The following ASTN2 variants were observed in gnomAD, a reference collection of about 807,000 sequenced individuals.
The protein encoded by ASTN2 is astrotactin-2.
In ASTN2, 54 loss-of-function variants were observed where a neutral mutation model predicts 139.8. That is an observed-to-expected ratio of 0.39 (90% confidence interval 0.31 to 0.48). The LOEUF (loss-of-function observed/expected upper bound fraction) is 0.48, where lower values mean the gene tolerates loss of function less well. ASTN2 is among the 20% of genes least tolerant of loss of function. The probability of loss-of-function intolerance (pLI) is 0.95; values close to 1 mark genes in which losing one functional copy is unlikely to be tolerated. For missense variants in ASTN2, 1,565 were observed against 1,725.1 expected, an observed-to-expected ratio of 0.91 and a Z score of 1.64; for synonymous variants, 756 against 719.5, an observed-to-expected ratio of 1.05 and a Z score of -0.81.
chr9:117,338,037 ATCG>A (rs1828941131), intron 1 of ASTN2, among the ~76,000 whole-genome samples: 4 of 152,188 alleles, frequency 2.6e-5, no homozygotes, highest in Admixed American at 2.6e-4. Flanking sequence ...AAAATAAGGA[ATCG>A]ATGATTATCT....
At chr9:117,307,731 C>T (rs1835038452) in intron 1 of ASTN2, among the ~76,000 whole-genome samples, 2 of 152,204 alleles carry the variant, frequency 1.3e-5, no homozygotes, top group African/African-American at 4.8e-5. Context: ...CAGGTTTTAA[C>T]CCAAGGGCAT....
intron 3 of ASTN2, among the ~76,000 whole-genome samples, chr9:117,178,277 T>C (rs1830967784): frequency 6.6e-6 from 1 of 152,104 alleles, no homozygotes; most frequent in South Asian, 2.1e-4. Flanking sequence ...CAAGTACTGG[T>C]CTATTTTGAG....
chr9:117,108,526 C>T (rs1829166376), intron 4 of ASTN2, among the ~76,000 whole-genome samples: 1 of 149,518 alleles, frequency 6.7e-6, no homozygotes, highest in South Asian at 2.1e-4. Context: ...TGGACATGCA[C>T]TGGGAAGTGA....
At chr9:117,297,999 C>A (rs1328334607) in intron 1 of ASTN2, among the ~76,000 whole-genome samples, 1 of 152,190 alleles carries the variant, frequency 6.6e-6, no homozygotes, top group Non-Finnish European at 1.5e-5. Context: ...AATGAATAGG[C>A]TCCTTAACAG....
chr9:117,001,186 A>G (rs923589979), intron 7 of ASTN2, among the ~76,000 whole-genome samples: 18 of 152,130 alleles, frequency 1.2e-4, no homozygotes, highest in Non-Finnish European at 2.4e-4. Flanking sequence ...ACATCCAGAA[A>G]AGCTTTAAGG....
At chr9:116,869,925 G>T (rs966558393) in intron 10 of ASTN2, among the ~76,000 whole-genome samples, 71 of 150,550 alleles carry the variant, frequency 4.7e-4, no homozygotes, top group African/African-American at 1.7e-3. Context: ...ACAACAGAGT[G>T]GGATCCCATT....
intron 2 of ASTN2, among the ~76,000 whole-genome samples, chr9:117,280,697 T>G (rs975457164): frequency 3.3e-5 from 5 of 152,152 alleles, no homozygotes; most frequent in Non-Finnish European, 7.3e-5. Flanking sequence ...AGAATAAATT[T>G]CTGTTGTCTT....
At chr9:116,678,904 T>C (rs940856074) in intron 16 of ASTN2, among the ~76,000 whole-genome samples, 1 of 152,206 alleles carries the variant, frequency 6.6e-6, no homozygotes, top group African/African-American at 2.4e-5. Flanking sequence ...AAAGTAGTTT[T>C]AACATTAAAG....
At chr9:117,072,761 G>T (rs1185720809) in intron 5 of ASTN2, among the ~76,000 whole-genome samples, 1 of 152,108 alleles carries the variant, frequency 6.6e-6, no homozygotes, top group African/African-American at 2.4e-5. Context: ...TGAAACTAAG[G>T]TATATAGAAT....
chr9:117,231,342 T>C (rs982565589), intron 2 of ASTN2, among the ~76,000 whole-genome samples: 11 of 152,214 alleles, frequency 7.2e-5, no homozygotes, highest in African/African-American at 2.7e-4. Flanking sequence ...CCCTGACTAG[T>C]CCTTCTTATT....
At chr9:117,135,311 AG>A (rs1829925121) in intron 4 of ASTN2, among the ~76,000 whole-genome samples, 1 of 152,212 alleles carries the variant, frequency 6.6e-6, no homozygotes, top group Non-Finnish European at 1.5e-5. Context: ...GGATAATTAT[AG>A]TACTTACCTT....
chr9:116,632,582 C>G (rs1856861300), intron 17 of ASTN2, among the ~76,000 whole-genome samples: 1 of 152,184 alleles, frequency 6.6e-6, no homozygotes, highest in South Asian at 2.1e-4. Flanking sequence ...CATAGCCTGT[C>G]CCAGTCCTAC....
At chr9:117,169,270 A>G (rs974111968) in intron 3 of ASTN2, among the ~76,000 whole-genome samples, 6 of 152,030 alleles carry the variant, frequency 3.9e-5, no homozygotes, top group African/African-American at 7.2e-5. Context: ...AAATGTAGCT[A>G]TTTGCTGTGG....
intron 20 of ASTN2, among the ~76,000 whole-genome samples, chr9:116,446,515 T>A (rs562899981): frequency 6.6e-6 from 1 of 152,132 alleles, no homozygotes; most frequent in South Asian, 2.1e-4. Context: ...CACTTGCCAA[T>A]AGATTCATAC....
At chr9:117,246,293 C>T (rs1371581800) in intron 2 of ASTN2, among the ~76,000 whole-genome samples, 1 of 152,192 alleles carries the variant, frequency 6.6e-6, no homozygotes, top group African/African-American at 2.4e-5. Flanking sequence ...ATTACTCTAG[C>T]TTTTCCTTCC....
At chr9:117,352,574 G>A (rs938021571) in intron 1 of ASTN2, among the ~76,000 whole-genome samples, 7 of 152,138 alleles carry the variant, frequency 4.6e-5, no homozygotes, top group African/African-American at 1.7e-4. Flanking sequence ...GACAAAGAGT[G>A]GTAGGAGAAT....
At chr9:117,081,364 A>G (rs1229770008) in intron 5 of ASTN2, among the ~76,000 whole-genome samples, 1 of 152,110 alleles carries the variant, frequency 6.6e-6, no homozygotes, top group Non-Finnish European at 1.5e-5. Context: ...ACATACCCTC[A>G]GCCCCTTCAC....
At position 116,442,560 on chromosome 9, in the gene ASTN2, C is replaced by T. The variant is rs1847871075; in HGVS notation, c.3498-7G>A. 4 of 1,613,594 alleles carry T rather than the reference C, an allele frequency of 2.5e-6. No individual in the cohort carries two copies. Among genetic ancestry groups the T allele is most frequent in the Non-Finnish European group, 3.4e-6 (4 of 1,179,616 alleles). The stretch of plus-strand genomic sequence containing the variant: ...CACAGCATACAGAGTGAACCTGCAG[C>T]ACAGCAAGAAAACAGAGCACCAGGC... On this transcript the variant is annotated splice_region_variant and splice_polypyrimidine_tract_variant and intron_variant, in intron 20 of 22. Coordinates refer to ENST00000313400, the MANE Select transcript of ASTN2 (RefSeq NM_001365068.1).
intron 10 of ASTN2, among the ~76,000 whole-genome samples, chr9:116,887,821 C>A (rs915654212): frequency 2.0e-5 from 3 of 152,052 alleles, no homozygotes; most frequent in Admixed American, 2.0e-4. Flanking sequence ...GCCCGTACCA[C>A]CACATCCAGC....
Sources: allele counts gnomAD v4.1 joint callset (sites outside exome capture counted in the v4.1 genomes callset), GRCh38; gene constraint gnomAD v4.1.1; transcripts MANE v1.5; gene names NCBI Gene and HGNC (gene_info 2026-07-23, HGNC 2026-07-21).